NUMBL: variants seen among roughly 807,000 people sequenced by gnomAD.
NUMBL encodes the protein numb-like protein.
A neutral mutation model predicts 48.9 loss-of-function variants in NUMBL; 20 were observed. The ratio of observed to expected loss-of-function variants is 0.41; its 90% CI spans 0.29 to 0.59. The LOEUF (loss-of-function observed/expected upper bound fraction) is 0.59, where lower values mean the gene tolerates loss of function less well. Among genes scored for constraint, NUMBL ranks in the 20% least tolerant of loss-of-function variants. The probability of loss-of-function intolerance (pLI) is 0.31; values close to 1 mark genes in which losing one functional copy is unlikely to be tolerated. For missense variants in NUMBL, 660 were observed against 846.2 expected (o/e 0.78, Z 2.73); for synonymous variants, 340 against 348.7 (o/e 0.98, Z 0.28).
At position 40,686,919 on chromosome 19, in the gene NUMBL, G is replaced by C. The variant is rs1164547461; in HGVS notation, c.101C>G (p.Thr34Arg). Reference sequence around the variant, plus strand: ...CCAGGCTGGTCGCTCACCTGGCTCCGTCCTGCAGGTTTCTGGGGGCCCCGG... The same window carrying C: ...CCAGGCTGGTCGCTCACCTGGCTCCCTCCTGCAGGTTTCTGGGGGCCCCGG... ...GAPGPPETCR[T>R]EPDGAGTMNK... Residue 34 changes from threonine to arginine, a missense_variant, in exon 2 of 10, where the codon ACG becomes AGG. Around this residue, in one of 3 missense-constraint regions of NUMBL, gnomAD observed 86 missense variants for 85.9 expected, o/e 1.00. Coordinates refer to ENST00000252891, the MANE Select transcript of NUMBL (RefSeq NM_004756.5). 7.1e-6 allele frequency: 11 copies of C among 1,541,916 alleles called. No homozygotes were observed. Among genetic ancestry groups the C allele is most frequent in the Non-Finnish European group, 9.7e-6 (11 of 1,139,086 alleles).
At chr19:40,689,891 G>A (rs552908729) in intron 1 of NUMBL, 1 of 151,944 alleles carries the variant, frequency 6.6e-6, no homozygotes, top group East Asian at 2.0e-4. Flanking sequence ...GTTTTGAGAA[G>A]TGGCTGTGCC....
Position 40,682,623 on chromosome 19 carries a change from C to T in NUMBL, c.399+105G>A. 1 of 1,004,294 alleles carries T rather than the reference C, an allele frequency of 1.0e-6. No individual in the cohort carries two copies. The highest frequency in any genetic ancestry group is 1.5e-6 in the Non-Finnish European group (1 of 662,954). 62.2% of individuals were successfully genotyped at this position (1,004,294 alleles called of 1,614,324 possible). A position where few individuals can be genotyped will look rare whatever the true frequency, so the allele number is the denominator to read the frequency against. ...GAGCACACGGCATCGTCTAGAAGGT[C>T]CCTGAGGGAGGGATGTGCAGAGGAG... On this transcript the variant is annotated intron_variant, in intron 5 of 9. Transcript: ENST00000252891. This position sits in a 1 kb window ranked among gnomAD's most constrained non-coding sequence, Gnocchi z 4.0.
At chr19:40,670,195 G>C (rs528986489) in intron 8 of NUMBL, among the ~76,000 whole-genome samples, 175 bp from the exon 9 acceptor site, 1 of 152,166 alleles carries the variant, frequency 6.6e-6, no homozygotes, top group South Asian at 2.1e-4. Context: ...ACATCTGAGC[G>C]GCAGAACGAC....
Position 40,690,511 on chromosome 19 carries a change from C to T in NUMBL, c.-28G>A, listed in dbSNP as rs2081960216. On this transcript the variant is annotated 5_prime_UTR_variant, in exon 1 of 10. Transcript: ENST00000252891. ...AGGGCCCGGGCGCCCCCGCCTCCCG[C>T]GGCCCTGGCTGGGCCTGGCTCCCCG... 5.6e-6 allele frequency: 7 copies of T among 1,258,694 alleles called. No individual in the cohort carries two copies. The highest frequency in any genetic ancestry group is 7.0e-6 in the Non-Finnish European group (7 of 1,001,454). 78.0% of individuals were successfully genotyped at this position (1,258,694 alleles called of 1,614,324 possible).
At position 40,667,733 on chromosome 19, in the gene NUMBL, G is replaced by A. The variant is rs2081819334; in HGVS notation, c.1565C>T (p.Ser522Leu). 2 of 1,576,784 alleles carry A rather than the reference G, an allele frequency of 1.3e-6. No individual in the cohort carries two copies. The highest frequency in any genetic ancestry group is 1.7e-6 in the Non-Finnish European group (2 of 1,162,076). The change falls in exon 10 of 10, where the codon TCA becomes TTA. Residue 522 changes from serine to leucine, a missense_variant. By Grantham distance (145) the Ser-to-Leu change is moderately radical. Around this residue, in one of 3 missense-constraint regions of NUMBL, gnomAD observed 296 missense variants for 339.7 expected, o/e 0.87. Coordinates refer to ENST00000252891, the MANE Select transcript of NUMBL (RefSeq NM_004756.5). The surrounding 1 kb of genome is among the most constrained non-coding windows in gnomAD (Gnocchi z 6.1). ...AGGCTGAGGCTGGAGCTGGGCGGCTGAGCAGAAGGCGTTTGCCACCATCTG... is the reference window on the plus strand; with the variant it reads ...AGGCTGAGGCTGGAGCTGGGCGGCTAAGCAGAAGGCGTTTGCCACCATCTG... ...PSQMVANAFC[S>L]AAQLQPQPAT...
chr19:40,682,651 G>T lies in NUMBL; in HGVS notation c.399+77C>A. ...TGAGGGAGGGATGTGCAGAGGAGGC[G>T]GGAAGGTGTCCTCCGCCCTGATTCC... On this transcript the variant is annotated intron_variant, in intron 5 of 9. Coordinates refer to ENST00000252891, the MANE Select transcript of NUMBL (RefSeq NM_004756.5). The surrounding 1 kb of genome is among the most constrained non-coding windows in gnomAD (Gnocchi z 4.0). 1.4e-6 allele frequency: 2 copies of T among 1,383,030 alleles called. No individual in the cohort carries two copies. The highest frequency in any genetic ancestry group is 2.0e-6 in the Non-Finnish European group (2 of 986,782). 85.7% of individuals were successfully genotyped at this position (1,383,030 alleles called of 1,614,324 possible).
At chr19:40,675,615 A>G (rs1028847841) in intron 7 of NUMBL, among the ~76,000 whole-genome samples, 1 of 148,448 alleles carries the variant, frequency 6.7e-6, no homozygotes, top group Non-Finnish European at 1.5e-5. Flanking sequence ...ACACACACAC[A>G]GAGTTTTAGA....
rs1378574520 is a variant in NUMBL at position 40,668,153 on chromosome 19, G to A, written c.1160-15C>T. Reference sequence around the variant, plus strand: ...GGCAGAAGTCCCTGGAGAGAGGAGAGGGACAGGTGAGGGAGGGGGCAACGG... The same window carrying A: ...GGCAGAAGTCCCTGGAGAGAGGAGAAGGACAGGTGAGGGAGGGGGCAACGG... On this transcript the variant is annotated splice_polypyrimidine_tract_variant and intron_variant, in intron 9 of 9. Transcript: ENST00000252891. 13 of 1,576,946 alleles carry A rather than the reference G, an allele frequency of 8.2e-6. No homozygotes were observed. Among genetic ancestry groups the A allele is most frequent in the Non-Finnish European group, 1.1e-5 (13 of 1,159,612 alleles).
At position 40,682,697 on chromosome 19, in the gene NUMBL, C is replaced by A. The variant is rs1485351532; in HGVS notation, c.399+31G>T. On this transcript the variant is annotated intron_variant, in intron 5 of 9. Coordinates refer to ENST00000252891, the MANE Select transcript of NUMBL (RefSeq NM_004756.5). The surrounding 1 kb of genome is among the most constrained non-coding windows in gnomAD (Gnocchi z 4.0). ...ATTCCAGCAGGGTGAGCAGACAGGC[C>A]CCCTGGCGTCCACCCCCACAGGCCT... 1 of 1,607,640 alleles carries A rather than the reference C, an allele frequency of 6.2e-7. No homozygotes were observed. Among genetic ancestry groups the A allele is most frequent in the Non-Finnish European group, 8.5e-7 (1 of 1,175,564 alleles).
intron 6 of NUMBL, among the ~76,000 whole-genome samples, chr19:40,680,291 G>A (rs1436015880): frequency 2.0e-5 from 3 of 151,790 alleles, no homozygotes; most frequent in Non-Finnish European, 4.4e-5. Context: ...GGGATCACAG[G>A]CGCCTGCCAC....
intron 1 of NUMBL, among the ~76,000 whole-genome samples, chr19:40,689,402 ACAC>A (rs1376150289): frequency 8.5e-5 from 13 of 152,170 alleles, no homozygotes; most frequent in South Asian, 8.3e-4. Flanking sequence ...ACAATCATAG[ACAC>A]CACCACAAGC....
At chr19:40,689,629 G>A (rs1264147091) in intron 1 of NUMBL, 1 of 152,328 alleles carries the variant, frequency 6.6e-6, no homozygotes. Context: ...CCCGGTCCCT[G>A]GGGAGCCGCC....
intron 1 of NUMBL, 133 bp downstream of exon 1, chr19:40,690,327 A>G: frequency 2.2e-6 from 1 of 462,096 alleles, no homozygotes; most frequent in South Asian, 1.0e-4. Context: ...CTGTTCCTGG[A>G]CCCCCACCCG....
intron 3 of NUMBL, among the ~76,000 whole-genome samples, chr19:40,683,618 C>T (rs2081917039): frequency 6.6e-6 from 1 of 152,194 alleles, no homozygotes. Flanking sequence ...GGGCTGAGCT[C>T]CACAGTCCAC....
Position 40,667,306 on chromosome 19 carries a change from A to G in NUMBL, c.*162T>C. The stretch of plus-strand genomic sequence containing the variant: ...TCCATCCTGTTGCAACCTGGGCGTC[A>G]CAATGTTGGTTCTGTAGTGGTTGTC... On this transcript the variant is annotated 3_prime_UTR_variant, in exon 10 of 10. Coordinates refer to ENST00000252891, the MANE Select transcript of NUMBL (RefSeq NM_004756.5). This position sits in a 1 kb window ranked among gnomAD's most constrained non-coding sequence, Gnocchi z 6.1. 9.7e-7 allele frequency: 1 copy of G among 1,033,642 alleles called. No individual in the cohort carries two copies. The highest frequency in any genetic ancestry group is 1.4e-6 in the Non-Finnish European group (1 of 732,706). 64.0% of individuals were successfully genotyped at this position (1,033,642 alleles called of 1,614,324 possible).
At chr19:40,672,302 C>T (rs1441744163) in intron 8 of NUMBL, among the ~76,000 whole-genome samples, 3 of 152,202 alleles carry the variant, frequency 2.0e-5, no homozygotes, top group Non-Finnish European at 2.9e-5. Flanking sequence ...TTACCCGTCA[C>T]CTGTCCAGAC....
rs1349940344 is a variant in NUMBL at position 40,666,800 on chromosome 19, C to T, written c.*668G>A. On this transcript the variant is annotated 3_prime_UTR_variant, in exon 10 of 10. Transcript: ENST00000252891. ...AAAGTACCCGCCAGGCACCCCTTCC[C>T]CTTCTTCCCGGACCCCTCCCCAGCG... is the stretch of plus-strand genomic sequence containing the variant. The T allele has an allele frequency of 1.3e-5, 2 of 152,802 alleles. No individual in the cohort carries two copies. The highest frequency in any genetic ancestry group is 2.4e-5 in the African/African-American group (1 of 41,460). The allele number at this position is 152,802 out of a possible 1,614,324, so 9.5% of individuals were successfully genotyped here. A position where few individuals can be genotyped will look rare whatever the true frequency, so the allele number is the denominator to read the frequency against.
chr19:40,667,549 T>A lies in NUMBL; in HGVS notation c.1749A>T (p.Ala583=), dbSNP rs748351019. 3.8e-6 allele frequency: 6 copies of A among 1,564,136 alleles called. No individual in the cohort carries two copies. Among genetic ancestry groups the A allele is most frequent in the Non-Finnish European group, 5.2e-6 (6 of 1,153,718 alleles). ...TCTCTACAGTGGCTTTGCCTTCTAATGCCGCCCACTGGGCCTCAAAGGGGT... is the reference window on the plus strand; with the variant it reads ...TCTCTACAGTGGCTTTGCCTTCTAAAGCCGCCCACTGGGCCTCAAAGGGGT... ...ELDPFEAQWA[A]LEGKATVEKP... Residue 583 remains alanine (A), a synonymous_variant, in exon 10 of 10, where the codon GCA becomes GCT. Transcript: ENST00000252891. The surrounding 1 kb of genome is among the most constrained non-coding windows in gnomAD (Gnocchi z 6.1).
intron 2 of NUMBL, chr19:40,684,973 C>T (rs1473775356): frequency 3.2e-5 from 6 of 186,982 alleles, no homozygotes; most frequent in East Asian, 1.7e-4. Context: ...AGGGGCCGCA[C>T]GGTCAGGGGT....
Sources: gnomAD v4.1 joint callset for allele counts (sites outside exome capture counted in the v4.1 genomes callset) on GRCh38, gnomAD v4.1.1 for gene constraint, gnomAD v4.1.1 regional missense constraint, Gnocchi (gnomAD v3.1) non-coding constraint, MANE v1.5 for transcripts, NCBI Gene and HGNC (gene_info 2026-07-23, HGNC 2026-07-21) for gene names.